PTPRD: variants seen among roughly 807,000 people sequenced by gnomAD.
The protein encoded by PTPRD is receptor-type tyrosine-protein phosphatase delta.
A neutral mutation model predicts 214.5 loss-of-function variants in PTPRD; 34 were observed. The ratio of observed to expected loss-of-function variants is 0.16; its 90% CI spans 0.12 to 0.21. The LOEUF (loss-of-function observed/expected upper bound fraction) is 0.21, where lower values mean the gene tolerates loss of function less well. Ranked by LOEUF, PTPRD falls within the 10% of genes least tolerant of loss-of-function variation. The probability of loss-of-function intolerance (pLI) is 1.00; values close to 1 mark genes in which losing one functional copy is unlikely to be tolerated. For synonymous variants in PTPRD, 1,128 were observed against 845.7 expected (o/e 1.33, Z -5.79); for missense variants, 2,545 against 2,398.7 (o/e 1.06, Z -1.27).
intron 7 of PTPRD, among the ~76,000 whole-genome samples, chr9:9,605,947 A>G (rs1471948548): frequency 6.6e-6 from 1 of 152,052 alleles, no homozygotes; most frequent in Non-Finnish European, 1.5e-5. Flanking sequence ...TTGCACTACA[A>G]TGGTTCGGCT....
chr9:9,820,802 G>A (rs1485239137), intron 5 of PTPRD, among the ~76,000 whole-genome samples: 3 of 152,020 alleles, frequency 2.0e-5, no homozygotes, highest in Non-Finnish European at 2.9e-5. Flanking sequence ...TAGGTGTGTG[G>A]CTTTATTTCT....
At chr9:9,605,292 T>C (rs1592806842) in intron 7 of PTPRD, among the ~76,000 whole-genome samples, 2 of 152,166 alleles carry the variant, frequency 1.3e-5, no homozygotes, top group African/African-American at 4.8e-5. Context: ...GATTGAAACA[T>C]GTTTAGTATA....
At chr9:8,737,940 C>T (rs543180510) in intron 11 of PTPRD, among the ~76,000 whole-genome samples, 1 of 110,332 alleles carries the variant, frequency 9.1e-6, no homozygotes, top group Non-Finnish European at 2.2e-5. Flanking sequence ...TGAGCCACTG[C>T]ACCCGGCTCT....
At chr9:10,191,673 G>T (rs2099364165) in intron 3 of PTPRD, among the ~76,000 whole-genome samples, 1 of 152,108 alleles carries the variant, frequency 6.6e-6, no homozygotes, top group Non-Finnish European at 1.5e-5. Flanking sequence ...TCAGAGGGTT[G>T]CTTAGTGACC....
chr9:8,345,320 G>C (rs1191684483), intron 39 of PTPRD, among the ~76,000 whole-genome samples: 1 of 152,060 alleles, frequency 6.6e-6, no homozygotes, highest in African/African-American at 2.4e-5. Context: ...GGATAGCAGA[G>C]AAGACTCAAA....
chr9:9,717,166 T>G (rs1020804660), intron 7 of PTPRD, among the ~76,000 whole-genome samples: 1 of 152,152 alleles, frequency 6.6e-6, no homozygotes. Context: ...GTTGTAGATA[T>G]GCGGCGTTAT....
At chr9:9,513,783 C>T (rs1354741219) in intron 8 of PTPRD, among the ~76,000 whole-genome samples, 2 of 151,900 alleles carry the variant, frequency 1.3e-5, no homozygotes, top group Non-Finnish European at 2.9e-5. Context: ...ATAATGGGAC[C>T]TCAATGATAG....
intron 10 of PTPRD, among the ~76,000 whole-genome samples, chr9:9,093,191 C>A (rs1284839124): frequency 3.3e-5 from 5 of 151,956 alleles, no homozygotes; most frequent in Non-Finnish European, 5.9e-5. Flanking sequence ...GAAACACAAA[C>A]TAATAGAACT....
intron 11 of PTPRD, among the ~76,000 whole-genome samples, chr9:8,748,535 A>G (rs1419300915): frequency 6.9e-4 from 85 of 122,314 alleles, no homozygotes; most frequent in Middle Eastern, 4.1e-3. Flanking sequence ...AAAAAAAAAA[A>G]AAAAAGAAAA....
intron 8 of PTPRD, among the ~76,000 whole-genome samples, chr9:9,426,343 G>A (rs1480851744): frequency 4.6e-5 from 7 of 152,210 alleles, no homozygotes; most frequent in Non-Finnish European, 8.8e-5. Flanking sequence ...ACTGCAAGGC[G>A]GCAGCAAGGC....
At chr9:9,160,498 G>A (rs938009498) in intron 10 of PTPRD, among the ~76,000 whole-genome samples, 6 of 152,140 alleles carry the variant, frequency 3.9e-5, no homozygotes, top group African/African-American at 1.4e-4. Flanking sequence ...CCTCACACCT[G>A]TTAGAATGGC....
At chr9:9,984,808 T>A (rs2095654249) in intron 4 of PTPRD, among the ~76,000 whole-genome samples, 2 of 151,988 alleles carry the variant, frequency 1.3e-5, no homozygotes, top group Non-Finnish European at 1.5e-5. Context: ...ATACCCAGTG[T>A]CCATGTCAGG....
intron 7 of PTPRD, among the ~76,000 whole-genome samples, chr9:9,594,879 T>C (rs2093129347): frequency 6.6e-6 from 1 of 151,736 alleles, no homozygotes; most frequent in Non-Finnish European, 1.5e-5. Context: ...CTCAAACAAA[T>C]CAGCAAGAAA....
At chr9:9,805,232 C>A (rs4742623) in intron 5 of PTPRD, among the ~76,000 whole-genome samples, 28,037 of 152,018 alleles carry the variant, frequency 0.18, 2,726 homozygotes, top group Non-Finnish European at 0.21. Context: ...CTCACAATGA[C>A]CTAGTAGTAT....
chr9:8,683,841 A>AC (rs572208808), intron 12 of PTPRD, among the ~76,000 whole-genome samples: 99 of 152,312 alleles, frequency 6.5e-4, no homozygotes, highest in African/African-American at 2.3e-3. Context: ...CCCGACCAGA[A>AC]CCAGGAGTCC....
chr9:9,528,944 T>C (rs2074819576), intron 8 of PTPRD, among the ~76,000 whole-genome samples: 2 of 150,396 alleles, frequency 1.3e-5, no homozygotes, highest in African/African-American at 4.9e-5. Flanking sequence ...GTTTCTTTTT[T>C]TTTTTTTTTT....
At chr9:8,611,848 T>G (rs933399698) in intron 14 of PTPRD, among the ~76,000 whole-genome samples, 1 of 144,884 alleles carries the variant, frequency 6.9e-6, no homozygotes, top group Non-Finnish European at 1.5e-5. Flanking sequence ...AGAGCAGGAA[T>G]AGCATTCATT....
chr9:10,525,992 A>C (rs1015424968), intron 2 of PTPRD, among the ~76,000 whole-genome samples: 3 of 152,252 alleles, frequency 2.0e-5, no homozygotes, highest in Non-Finnish European at 4.4e-5. Flanking sequence ...ATAAGGTTAA[A>C]AATTCAGCTT....
chr9:9,258,820 T>A (rs999557724), intron 9 of PTPRD, among the ~76,000 whole-genome samples: 1 of 151,844 alleles, frequency 6.6e-6, no homozygotes, highest in African/African-American at 2.4e-5. Context: ...GTAAGCATAT[T>A]TGAACTTCAA....
Sources: gnomAD v4.1 joint callset for allele counts (sites outside exome capture counted in the v4.1 genomes callset) on GRCh38, gnomAD v4.1.1 for gene constraint, MANE v1.5 for transcripts, NCBI Gene and HGNC (gene_info 2026-07-23, HGNC 2026-07-21) for gene names.